The following CORO1C variants were observed in gnomAD, a reference collection of about 807,000 sequenced individuals.
CORO1C encodes coronin-1C.
In CORO1C, 14 loss-of-function variants were observed where a neutral mutation model predicts 51.2. The ratio of observed to expected loss-of-function variants is 0.27; its 90% confidence interval spans 0.18 to 0.43. CORO1C has a LOEUF of 0.43. Ranked by LOEUF, CORO1C falls within the 20% of genes least tolerant of loss-of-function variation. The pLI is 1.00. For synonymous variants in CORO1C, 181 were observed against 210.5 expected (o/e 0.86, Z 1.21); for missense variants, 417 against 607.8 (o/e 0.69, Z 3.30).
At chr12:108,670,112 G>GAAAAC (rs1165706654) in intron 3 of CORO1C, among the ~76,000 whole-genome samples, 1 of 152,116 alleles carries the variant, frequency 6.6e-6, no homozygotes, top group Non-Finnish European at 1.5e-5. Context: ...AGAGCTAGCA[G>GAAAAC]AAAACAAAAC....
chr12:108,662,189 T>C (rs199881668), intron 3 of CORO1C, 31 bp from the exon 4 acceptor site: 2 of 1,603,772 alleles, frequency 1.2e-6, no homozygotes, highest in East Asian at 4.5e-5. Flanking sequence ...ATGATCCACA[T>C]GAAAGCTATT....
intron 4 of CORO1C, 115 bp from the exon 5 acceptor site, chr12:108,659,034 G>A: frequency 3.0e-6 from 3 of 991,788 alleles, no homozygotes; most frequent in Admixed American, 3.0e-5. Context: ...GAGAGAGAGA[G>A]AAAGAGAGAG....
At chr12:108,689,259 T>G (rs2034414292) in intron 2 of CORO1C, among the ~76,000 whole-genome samples, 1 of 152,156 alleles carries the variant, frequency 6.6e-6, no homozygotes, top group Non-Finnish European at 1.5e-5. Flanking sequence ...AGAAAGGAAA[T>G]GTAACATTAT....
intron 1 of CORO1C, among the ~76,000 whole-genome samples, chr12:108,727,132 G>C (rs950365264): frequency 6.6e-6 from 1 of 152,228 alleles, no homozygotes; most frequent in Non-Finnish European, 1.5e-5. Context: ...ATGAACAAGA[G>C]AATCTCAGTC....
chr12:108,700,917 C>A, intron 2 of CORO1C: 1 of 584,946 alleles, frequency 1.7e-6, no homozygotes, highest in Non-Finnish European at 3.0e-6. Flanking sequence ...TAGAGGGCAT[C>A]CCCAGAACAG....
chr12:108,660,847 A>G (rs61934128), intron 4 of CORO1C, among the ~76,000 whole-genome samples: 23,833 of 152,190 alleles, frequency 0.16, 2,341 homozygotes, highest in Non-Finnish European at 0.22. Context: ...TATAAAAAAC[A>G]TGGCATCTTT....
chr12:108,660,835 A>T (rs2033230952), intron 4 of CORO1C, among the ~76,000 whole-genome samples: 1 of 152,172 alleles, frequency 6.6e-6, no homozygotes, highest in South Asian at 2.1e-4. Flanking sequence ...GTCGATGGTG[A>T]TTATAAAAAA....
rs867235350 is a variant in CORO1C, at chr12:108,656,234, G to A, written c.750+1070C>T. ...AGCCCCTCCGCCCGGCAGCCACCCCGTCTGGGAAGTGAGGAGCGTCTCTGC... is the reference window on the plus strand; with the variant it reads ...AGCCCCTCCGCCCGGCAGCCACCCCATCTGGGAAGTGAGGAGCGTCTCTGC... On this transcript the variant is annotated intron_variant, in intron 6 of 10. Coordinates refer to ENST00000261401, the MANE Select transcript of CORO1C (RefSeq NM_014325.4). Among the ~76,000 whole-genome samples, 33 of 149,484 alleles carry A rather than the reference G, an allele frequency of 2.2e-4. 1 individual carries two copies. Among genetic ancestry groups the A allele is most frequent in the African/African-American group, 6.4e-4 (26 of 40,458 alleles).
intron 2 of CORO1C, 120 bp downstream of exon 2, chr12:108,701,004 A>T: frequency 8.8e-7 from 1 of 1,133,274 alleles, no homozygotes; most frequent in Non-Finnish European, 1.3e-6. Flanking sequence ...ACTTAACTTC[A>T]ATTACATCAG....
At chr12:108,664,331 T>C (rs2033391080) in intron 3 of CORO1C, among the ~76,000 whole-genome samples, 1 of 152,216 alleles carries the variant, frequency 6.6e-6, no homozygotes, top group South Asian at 2.1e-4. Context: ...AATTGCTTAG[T>C]GGAAGGCAGA....
At chr12:108,712,570 C>CAAA (rs138128974) in intron 1 of CORO1C, among the ~76,000 whole-genome samples, 17 of 66,494 alleles carry the variant, frequency 2.6e-4, no homozygotes, top group African/African-American at 6.6e-4. Context: ...GAAACTGTCT[C>CAAA]AAAAAAAAAA....
In CORO1C at chr12:108,700,333, T is replaced by C. The variant is rs916667968; in HGVS notation, c.195+791A>G. On this transcript the variant is annotated intron_variant, in intron 2 of 10. Transcript: ENST00000261401. ...CTAGGCCCTCTTCACAGCTTTTTTT[T>C]CTTCATTATTTGCAGTTCTGGGATT... Among the ~76,000 whole-genome samples the C allele has an allele frequency of 3.5e-4, 53 of 152,316 alleles. 1 individual carries two copies. Among genetic ancestry groups the C allele is most frequent in the African/African-American group, 7.0e-4 (29 of 41,584 alleles).
At chr12:108,683,323 G>A (rs1392074964) in intron 2 of CORO1C, among the ~76,000 whole-genome samples, 1 of 151,786 alleles carries the variant, frequency 6.6e-6, no homozygotes, top group Non-Finnish European at 1.5e-5. Flanking sequence ...GGAGGCTGAG[G>A]CAGGAGAAGT....
intron 2 of CORO1C, among the ~76,000 whole-genome samples, chr12:108,687,029 C>T (rs2034317811): frequency 6.6e-6 from 1 of 152,208 alleles, no homozygotes; most frequent in Non-Finnish European, 1.5e-5. Flanking sequence ...GATACAAGCA[C>T]TATCATTTGC....
chr12:108,678,721 A>T (rs2034000359), intron 2 of CORO1C, among the ~76,000 whole-genome samples: 1 of 144,066 alleles, frequency 6.9e-6, no homozygotes, highest in African/African-American at 2.8e-5. Flanking sequence ...CATGGCTTAA[A>T]AAAAAAAAAA....
intron 2 of CORO1C, among the ~76,000 whole-genome samples, chr12:108,687,806 TAA>T (rs2034351514): frequency 1.3e-5 from 2 of 151,724 alleles, no homozygotes; most frequent in African/African-American, 4.8e-5. Flanking sequence ...ACAATTTAAT[TAA>T]AATTAAAAAA....
intron 3 of CORO1C, among the ~76,000 whole-genome samples, chr12:108,675,067 C>T (rs567796943): frequency 1.3e-5 from 2 of 152,200 alleles, no homozygotes; most frequent in East Asian, 3.9e-4. Context: ...TGGTCTCATC[C>T]AGCCCAACCT....
intron 6 of CORO1C, 81 bp downstream of exon 6, chr12:108,657,223 T>A: frequency 1.3e-6 from 2 of 1,511,116 alleles, no homozygotes; most frequent in Non-Finnish European, 1.8e-6. Context: ...AATCCCATAA[T>A]CTACTTACTC....
At chr12:108,672,505 T>C (rs564962841) in intron 3 of CORO1C, among the ~76,000 whole-genome samples, 15 of 152,286 alleles carry the variant, frequency 9.8e-5, no homozygotes, top group Non-Finnish European at 4.4e-5. Flanking sequence ...TAGATCAGGA[T>C]GTTCTAATTC....
Sources: allele counts gnomAD v4.1 joint callset (sites outside exome capture counted in the v4.1 genomes callset), GRCh38; gene constraint gnomAD v4.1.1; transcripts MANE v1.5; gene names NCBI Gene and HGNC (gene_info 2026-07-23, HGNC 2026-07-21).